RAB3GAP2: variants seen among roughly 807,000 people sequenced by gnomAD.
The protein encoded by RAB3GAP2 is rab3 GTPase-activating protein non-catalytic subunit.
Under a neutral mutation model 185.3 loss-of-function variants are expected in RAB3GAP2, and 87 were observed. The ratio of observed to expected loss-of-function variants is 0.47; its 90% CI spans 0.39 to 0.56. The LOEUF (loss-of-function observed/expected upper bound fraction) is 0.56. Ranked by LOEUF, RAB3GAP2 falls within the 20% of genes least tolerant of loss-of-function variation. The probability of loss-of-function intolerance (pLI) is 0.00; values close to 1 mark genes in which losing one functional copy is unlikely to be tolerated. For missense variants in RAB3GAP2, 1,492 were observed against 1,638.2 expected (o/e 0.91, Z 1.54); for synonymous variants, 554 against 576.1 (o/e 0.96, Z 0.55).
chr1:220,151,738 C>T lies in RAB3GAP2; in HGVS notation c.3894G>A (p.Glu1298=). ...GCACCAGCAGCTGAGAGGCAAGGAC[C>T]TCTTTGTCATGAACCTGTAGAATGG... is the stretch of plus-strand genomic sequence containing the variant. The part of the protein sequence containing the change: ...EEAILQVHDK[E]VLASQLLVLT... The change falls in exon 34 of 35, where the codon GAG becomes GAA. Residue 1298 remains glutamate, a synonymous_variant. Transcript: ENST00000358951. 2 of 1,611,774 alleles carry T rather than the reference C, an allele frequency of 1.2e-6. No homozygotes were observed. Among genetic ancestry groups the T allele is most frequent in the Non-Finnish European group, 1.7e-6 (2 of 1,177,890 alleles).
At chr1:220,253,115 T>C (rs1006563491) in intron 1 of RAB3GAP2, among the ~76,000 whole-genome samples, 4 of 152,170 alleles carry the variant, frequency 2.6e-5, no homozygotes, top group Non-Finnish European at 4.4e-5. Context: ...CGAGGAAGGT[T>C]CCCCAACAAT....
Position 220,202,359 on chromosome 1 carries a change from T to C in RAB3GAP2, c.728A>G (p.Asn243Ser), listed in dbSNP as rs568377406. ...TAATGGTGGTGGTTGTATGTTCTCA[T>C]TGCCTGATGCTGCAGCTACCAAAGA... ...NQVAKAAASG[N>S]ENIQPPPLAY... Residue 243 changes from asparagine to serine, a missense_variant, in exon 9 of 35, where the codon AAT (asparagine) becomes AGT (serine). By Grantham distance (46) the Asn-to-Ser change is conservative. Coordinates refer to ENST00000358951, the MANE Select transcript of RAB3GAP2 (RefSeq NM_012414.4). 1.9e-6 allele frequency: 3 copies of C among 1,613,790 alleles called. No homozygotes were observed. The highest frequency in any genetic ancestry group is 1.7e-5 in the Admixed American group (1 of 60,018).
intron 1 of RAB3GAP2, among the ~76,000 whole-genome samples, chr1:220,245,890 A>AC (rs1402361997): frequency 6.6e-6 from 1 of 152,032 alleles, no homozygotes; most frequent in Non-Finnish European, 1.5e-5. Flanking sequence ...ACTGGGAGGC[A>AC]CCCCCCAGCG....
intron 7 of RAB3GAP2, among the ~76,000 whole-genome samples, chr1:220,209,846 A>C (rs1484578256): frequency 6.6e-6 from 1 of 152,214 alleles, no homozygotes; most frequent in African/African-American, 2.4e-5. Flanking sequence ...TGACTAAGAC[A>C]ACCAAAATGT....
chr1:220,163,756 T>C (rs1043578591), intron 27 of RAB3GAP2, among the ~76,000 whole-genome samples: 2 of 145,230 alleles, frequency 1.4e-5, no homozygotes, highest in African/African-American at 5.0e-5. Context: ...TATATATATA[T>C]ATATATATAT....
rs1406261949 is a variant in RAB3GAP2 at position 220,170,919 on chromosome 1, C to T, written c.2779G>A (p.Val927Ile). The change falls in exon 24 of 35, where the codon GTT (valine) becomes ATT (isoleucine). Residue 927 changes from valine (V) to isoleucine (I), a missense_variant. Around this residue, in one of 5 missense-constraint regions of RAB3GAP2, gnomAD observed 681 missense variants for 689.1 expected, o/e 0.99. Transcript: ENST00000358951. ...TTTCCTCCTTCTAATAACTTTTTAA[C>T]AGAAAGCCTTGGAAGTGGCTCAGCC... Reference protein sequence around the residue: ...LQAEPLPRLSVKKLLEGGKGG... With the variant: ...LQAEPLPRLSIKKLLEGGKGG... 6.8e-6 allele frequency: 11 copies of T among 1,613,922 alleles called. No homozygotes were observed. The highest frequency in any genetic ancestry group is 8.5e-6 in the Non-Finnish European group (10 of 1,179,936).
intron 15 of RAB3GAP2, 48 bp from the exon 16 acceptor site, chr1:220,190,194 C>G (rs376184278): frequency 5.0e-5 from 78 of 1,554,692 alleles, no homozygotes; most frequent in Non-Finnish European, 6.6e-5. Context: ...AAATTATTTT[C>G]TTTCTAATTC....
intron 6 of RAB3GAP2, 71 bp downstream of exon 6, chr1:220,210,730 A>G (rs1485742230): frequency 1.7e-5 from 24 of 1,429,550 alleles, no homozygotes; most frequent in Non-Finnish European, 2.3e-5. Context: ...AGTCACAAAC[A>G]GTATAAAGGT....
intron 2 of RAB3GAP2, among the ~76,000 whole-genome samples, chr1:220,214,946 T>TTATATATATATATATATA (rs10526805): frequency 0.016 from 1,448 of 88,898 alleles, 45 homozygotes; most frequent in East Asian, 0.02. Flanking sequence ...AATAGTAGCA[T>TTATATATATATATATATA]TATATATATA....
At chr1:220,245,601 G>T (rs1012852087) in intron 1 of RAB3GAP2, among the ~76,000 whole-genome samples, 1 of 151,986 alleles carries the variant, frequency 6.6e-6, no homozygotes. Context: ...AGGGGCGCCC[G>T]CCATTGCCCA....
At chr1:220,241,529 C>T (rs1162212657) in intron 1 of RAB3GAP2, among the ~76,000 whole-genome samples, 2 of 151,980 alleles carry the variant, frequency 1.3e-5, no homozygotes, top group African/African-American at 4.8e-5. Context: ...TTAGGGGATT[C>T]AGCAAATTTT....
chr1:220,255,290 C>G (rs1375315723), intron 1 of RAB3GAP2, among the ~76,000 whole-genome samples: 1 of 151,758 alleles, frequency 6.6e-6, no homozygotes, highest in Non-Finnish European at 1.5e-5. Flanking sequence ...TCAGCAACCT[C>G]AAAGACTGAA....
chr1:220,164,810 G>A lies in RAB3GAP2; in HGVS notation c.3088-11C>T, dbSNP rs762682484. The A allele has an allele frequency of 1.9e-6, 3 of 1,603,674 alleles. No individual in the cohort carries two copies. The highest frequency in any genetic ancestry group is 2.6e-6 in the Non-Finnish European group (3 of 1,173,612). ...AAAAAAACGTGCTTCCTTACATACA[G>A]GGAGAAAAAAACGAGAAAGAAAAAG... On this transcript the variant is annotated splice_polypyrimidine_tract_variant and intron_variant, in intron 26 of 34. Transcript: ENST00000358951.
chr1:220,190,363 T>C lies in RAB3GAP2; in HGVS notation c.1631+14A>G. Reference sequence around the variant, plus strand: ...GCAGAGGAGCGTCAATCAGCAACACTGGACACACCTTACCTCAGTGCTAAA... The same window carrying C: ...GCAGAGGAGCGTCAATCAGCAACACCGGACACACCTTACCTCAGTGCTAAA... On this transcript the variant is annotated intron_variant, in intron 15 of 34. Coordinates refer to ENST00000358951, the MANE Select transcript of RAB3GAP2 (RefSeq NM_012414.4). The C allele has an allele frequency of 6.2e-7, 1 of 1,614,060 alleles. No individual in the cohort carries two copies. The highest frequency in any genetic ancestry group is 8.5e-7 in the Non-Finnish European group (1 of 1,179,958).
chr1:220,160,191 C>T (rs1044132127), intron 28 of RAB3GAP2, among the ~76,000 whole-genome samples: 7 of 152,110 alleles, frequency 4.6e-5, no homozygotes, highest in South Asian at 4.1e-4. Flanking sequence ...AATTTCCTTA[C>T]GCAATAAGTA....
intron 1 of RAB3GAP2, among the ~76,000 whole-genome samples, chr1:220,255,627 C>T (rs773459834): frequency 6.6e-6 from 1 of 152,104 alleles, no homozygotes; most frequent in Non-Finnish European, 1.5e-5. Flanking sequence ...GAGAAGATCA[C>T]AATACAATCA....
At chr1:220,251,423 C>G (rs980782578) in intron 1 of RAB3GAP2, among the ~76,000 whole-genome samples, 3 of 152,056 alleles carry the variant, frequency 2.0e-5, no homozygotes, top group African/African-American at 7.2e-5. Context: ...ATATGATAAA[C>G]TTTTGTAAAA....
intron 1 of RAB3GAP2, among the ~76,000 whole-genome samples, chr1:220,249,572 A>C (rs1167784516): frequency 6.6e-6 from 1 of 152,208 alleles, no homozygotes; most frequent in African/African-American, 2.4e-5. Flanking sequence ...AGGCTGCAGA[A>C]ATTTGCATAA....
Position 220,267,574 on chromosome 1 carries a change from C to T in RAB3GAP2, c.115+4649G>A. ...GATTCTTCATTTTTCTGTTTTGATGCCAGTTCCTCCTCAGGATTATTTTCA... is the reference window on the plus strand; with the variant it reads ...GATTCTTCATTTTTCTGTTTTGATGTCAGTTCCTCCTCAGGATTATTTTCA... On this transcript the variant is annotated intron_variant, in intron 1 of 34. Transcript: ENST00000358951. 3.7e-6 allele frequency: 5 copies of T among 1,361,784 alleles called. No individual in the cohort carries two copies. The South Asian group carries it at 4.7e-5, about 13-fold the overall frequency. 84.4% of individuals were successfully genotyped at this position (1,361,784 alleles called of 1,614,324 possible). A position where few individuals can be genotyped will look rare whatever the true frequency, so the allele number is the denominator to read the frequency against.
Sources: gnomAD v4.1 joint callset for allele counts (sites outside exome capture counted in the v4.1 genomes callset) on GRCh38, gnomAD v4.1.1 for gene constraint, gnomAD v4.1.1 regional missense constraint, MANE v1.5 for transcripts, NCBI Gene and HGNC (gene_info 2026-07-23, HGNC 2026-07-21) for gene names.